SNRK: variants seen among roughly 807,000 people sequenced by gnomAD.
SNRK encodes SNF related kinase.
A neutral mutation model predicts 48.2 loss-of-function variants in SNRK; 3 were observed. The observed-to-expected ratio is 0.06, with a 90% CI of 0.03 to 0.16. The LOEUF (loss-of-function observed/expected upper bound fraction) is 0.16, where lower values mean the gene tolerates loss of function less well. Ranked by LOEUF, SNRK falls within the 10% of genes least tolerant of loss-of-function variation. SNRK has a pLI of 1.00. For synonymous variants in SNRK, 376 were observed against 366.1 expected (o/e 1.03, Z -0.31); for missense variants, 627 against 976.0 (o/e 0.64, Z 4.76).
chr3:43,318,323 TA>T (rs1319108498), intron 3 of SNRK, among the ~76,000 whole-genome samples: 2 of 151,990 alleles, frequency 1.3e-5, no homozygotes, highest in African/African-American at 4.8e-5. Flanking sequence ...ACTTCTAAAG[TA>T]GGGATTTTTC....
intron 1 of SNRK, among the ~76,000 whole-genome samples, chr3:43,291,366 CTG>C (rs1473338561): frequency 6.6e-6 from 1 of 152,136 alleles, no homozygotes; most frequent in Non-Finnish European, 1.5e-5. Flanking sequence ...CCGTAAGAGA[CTG>C]TGAATAAGTT....
At chr3:43,338,917 A>G (rs2091211675) in intron 4 of SNRK, among the ~76,000 whole-genome samples, 1 of 152,216 alleles carries the variant, frequency 6.6e-6, no homozygotes, top group African/African-American at 2.4e-5. Flanking sequence ...TTCATGTCTT[A>G]AACATATTTA....
chr3:43,297,500 G>C (rs1228864926), intron 1 of SNRK, among the ~76,000 whole-genome samples: 2 of 151,878 alleles, frequency 1.3e-5, no homozygotes, highest in Non-Finnish European at 2.9e-5. Context: ...CATATATTAT[G>C]AATAGAAAAT....
intron 3 of SNRK, among the ~76,000 whole-genome samples, chr3:43,321,514 G>A (rs535094711): frequency 2.0e-5 from 3 of 152,198 alleles, no homozygotes; most frequent in Admixed American, 6.5e-5. Flanking sequence ...TATTTTGCTC[G>A]TAGCTGTCAT....
chr3:43,344,122 A>G (rs541193082), intron 6 of SNRK, among the ~76,000 whole-genome samples: 3 of 152,282 alleles, frequency 2.0e-5, no homozygotes, highest in South Asian at 4.1e-4. Context: ...TGTGTTTGCC[A>G]TCACTGCTGG....
At chr3:43,343,533 CTT>C (rs372669640) in intron 6 of SNRK, 55 bp downstream of exon 6, 13,299 of 1,266,100 alleles carry the variant, frequency 0.011, no homozygotes, top group East Asian at 0.012. Context: ...AAATAGCGAA[CTT>C]TTTTTTTTTT....
At chr3:43,322,956 A>AAAAAAAAT (rs2091066110) in intron 3 of SNRK, among the ~76,000 whole-genome samples, 1 of 150,614 alleles carries the variant, frequency 6.6e-6, no homozygotes, top group South Asian at 2.1e-4. Flanking sequence ...CGTCTCAAAA[A>AAAAAAAAT]AAAAAAAAAA....
Position 43,350,384 on chromosome 3 carries a change from C to T in SNRK, c.*1827C>T, listed in dbSNP as rs2091314141. The T allele has an allele frequency of 1.3e-5, 2 of 152,580 alleles. No homozygotes were observed. Among genetic ancestry groups the T allele is most frequent in the African/African-American group, 4.8e-5 (2 of 41,426 alleles). The allele number at this position is 152,580 out of a possible 1,614,324, so 9.5% of individuals were successfully genotyped here. ...GTTTATAAAGGGCATTGGCAATAAACTCTTTGTTGCAGCTGTTTTCCAAGC... is the reference window on the plus strand; with the variant it reads ...GTTTATAAAGGGCATTGGCAATAAATTCTTTGTTGCAGCTGTTTTCCAAGC... On this transcript the variant is annotated 3_prime_UTR_variant, in exon 7 of 7. Coordinates refer to ENST00000296088, the MANE Select transcript of SNRK (RefSeq NM_017719.5).
intron 4 of SNRK, among the ~76,000 whole-genome samples, chr3:43,336,116 GT>G (rs1319372731): frequency 2.3e-4 from 34 of 148,634 alleles, no homozygotes; most frequent in East Asian, 1.2e-3. Flanking sequence ...TCCTACTTCA[GT>G]TTTTTTTTTC....
rs1190752675 is a variant in SNRK, at chr3:43,286,567, C to A, written c.-277C>A. Reference sequence around the variant, plus strand: ...CTACCCGGCACCCCCTCCCCGCGGCCGGCAGCCCGCTCGGTATTATGATTA... The same window carrying A: ...CTACCCGGCACCCCCTCCCCGCGGCAGGCAGCCCGCTCGGTATTATGATTA... On this transcript the variant is annotated 5_prime_UTR_variant, in exon 1 of 7. Coordinates refer to ENST00000296088, the MANE Select transcript of SNRK (RefSeq NM_017719.5). 6.6e-6 allele frequency: 1 copy of A among 150,838 alleles called. No homozygotes were observed. The highest frequency in any genetic ancestry group is 1.5e-5 in the Non-Finnish European group (1 of 67,578). The allele number at this position is 150,838 out of a possible 1,614,324, so 9.3% of individuals were successfully genotyped here.
intron 1 of SNRK, among the ~76,000 whole-genome samples, chr3:43,293,422 A>T (rs2090828696): frequency 6.6e-6 from 1 of 152,202 alleles, no homozygotes; most frequent in Non-Finnish European, 1.5e-5. Context: ...AAGTAAATGG[A>T]ATGAATAATT....
chr3:43,337,752 A>C (rs2091202454), intron 4 of SNRK, among the ~76,000 whole-genome samples: 1 of 152,208 alleles, frequency 6.6e-6, no homozygotes, highest in Non-Finnish European at 1.5e-5. Context: ...ACAAGGCAGC[A>C]GGAAGGAAAA....
intron 3 of SNRK, among the ~76,000 whole-genome samples, chr3:43,318,466 A>T (rs753154576): frequency 7.2e-5 from 11 of 152,186 alleles, no homozygotes; most frequent in Non-Finnish European, 1.5e-4. Context: ...ACAAAAATAC[A>T]TATGGAAGCT....
chr3:43,333,893 A>G (rs2091167288), intron 4 of SNRK, among the ~76,000 whole-genome samples: 2 of 152,096 alleles, frequency 1.3e-5, no homozygotes, highest in Non-Finnish European at 2.9e-5. Flanking sequence ...CACACCTGTA[A>G]TCCCAGCACT....
At chr3:43,297,184 A>G (rs1460266062) in intron 1 of SNRK, among the ~76,000 whole-genome samples, 2 of 152,230 alleles carry the variant, frequency 1.3e-5, no homozygotes, top group Non-Finnish European at 1.5e-5. Flanking sequence ...TATAAAATAG[A>G]GGAAAAAGTA....
chr3:43,311,108 T>C (rs866105937), intron 3 of SNRK, among the ~76,000 whole-genome samples: 2 of 152,178 alleles, frequency 1.3e-5, no homozygotes, highest in South Asian at 2.1e-4. Flanking sequence ...AATATACCTC[T>C]TGGACACCAT....
intron 3 of SNRK, among the ~76,000 whole-genome samples, chr3:43,308,755 A>G (rs1348967914): frequency 6.6e-6 from 1 of 152,228 alleles, no homozygotes; most frequent in Non-Finnish European, 1.5e-5. Context: ...CACAGCATCC[A>G]TTCTGCAGCC....
chr3:43,315,019 G>T (rs2125628164), intron 3 of SNRK: 1 of 152,382 alleles, frequency 6.6e-6, no homozygotes, highest in African/African-American at 2.4e-5. Context: ...AAGACCACTT[G>T]AGCCCAGGAG....
intron 4 of SNRK, among the ~76,000 whole-genome samples, chr3:43,333,922 C>A (rs961134611): frequency 6.6e-6 from 1 of 151,994 alleles, no homozygotes; most frequent in African/African-American, 2.4e-5. Context: ...CCGAGACAGG[C>A]AGATCACAAG....
Sources: allele counts gnomAD v4.1 joint callset (sites outside exome capture counted in the v4.1 genomes callset), GRCh38; gene constraint gnomAD v4.1.1; transcripts MANE v1.5; gene names NCBI Gene and HGNC (gene_info 2026-07-23, HGNC 2026-07-21).